The following SLC24A2 variants were observed in gnomAD, a reference collection of about 807,000 sequenced individuals.
The protein encoded by SLC24A2 is solute carrier family 24 member 2.
SLC24A2 carries 36 observed loss-of-function variants against 62.0 expected under a neutral mutation model. That is an observed-to-expected ratio of 0.58 (90% CI 0.44 to 0.77). The LOEUF (loss-of-function observed/expected upper bound fraction) is 0.77. SLC24A2 is among the 30% of genes least tolerant of loss of function. The pLI, the probability that SLC24A2 is intolerant of heterozygous loss-of-function variation, is 0.00. For synonymous variants in SLC24A2, 358 were observed against 294.0 expected (o/e 1.22, Z -2.23); for missense variants, 846 against 817.9 (o/e 1.03, Z -0.42).
chr9:19,893,975 A>G, the SLC24A2 span, among the ~76,000 whole-genome samples: 1 of 152,212 alleles, frequency 6.6e-6, no homozygotes, highest in African/African-American at 2.4e-5. Flanking sequence ...CACTTCTTGG[A>G]AGTGACAAAC....
the SLC24A2 span, among the ~76,000 whole-genome samples, chr9:20,161,333 T>C: frequency 6.6e-6 from 1 of 151,410 alleles, no homozygotes; most frequent in African/African-American, 2.4e-5. Flanking sequence ...CAAAGCTACA[T>C]AAATTGTTTT....
At chr9:19,530,598 C>G (rs762304768) in intron 8 of SLC24A2, among the ~76,000 whole-genome samples, 13 of 152,086 alleles carry the variant, frequency 8.5e-5, no homozygotes, top group Non-Finnish European at 1.2e-4. Flanking sequence ...CAGAAAATTC[C>G]TAGCCAAAAG....
chr9:19,550,254 C>T lies in SLC24A2; in HGVS notation c.1362G>A (p.Glu454=). The T allele has an allele frequency of 6.2e-7, 1 of 1,614,082 alleles. No homozygotes were observed. The highest frequency in any genetic ancestry group is 2.2e-5 in the East Asian group (1 of 44,874). Residue 454 remains glutamate (E), a synonymous_variant, in exon 8 of 11, where the codon GAG becomes GAA. Transcript: ENST00000341998. ...EGAEAQTADE[E]EDQPLSLAWP... ...AGGCAAGGCTGAGAGGCTGGTCCTC[C>T]TCCTCATCAGCGGTCTGTGGTAGAA...
rs1208641342 is a variant in SLC24A2 at position 19,541,823 on chromosome 9, T to G, written c.1479+8314A>C. ...CCCCAGCCTCGTTGCCGCCTTGCAGTTTGATCTCAGACTGCTGTGCTAGCA... is the reference window on the plus strand; with the variant it reads ...CCCCAGCCTCGTTGCCGCCTTGCAGGTTGATCTCAGACTGCTGTGCTAGCA... On this transcript the variant is annotated intron_variant, in intron 8 of 10. Coordinates refer to ENST00000341998, the MANE Select transcript of SLC24A2 (RefSeq NM_020344.4). 1.3e-4 allele frequency among the ~76,000 whole-genome samples: 20 copies of G among 150,138 alleles called. No homozygotes were observed. In the East Asian group the frequency reaches 1.8e-3, roughly 13 times the overall value.
At chr9:20,131,613 A>T in the SLC24A2 span, among the ~76,000 whole-genome samples, 1 of 152,142 alleles carries the variant, frequency 6.6e-6, no homozygotes, top group Non-Finnish European at 1.5e-5. Context: ...GAGCCATAGG[A>T]GGCTTTTGAT....
At chr9:19,847,209 T>C in the SLC24A2 span, among the ~76,000 whole-genome samples, 41 of 152,216 alleles carry the variant, frequency 2.7e-4, no homozygotes, top group African/African-American at 8.4e-4. Flanking sequence ...ACAAAGAGTA[T>C]AAATTTCTGC....
intron 8 of SLC24A2, among the ~76,000 whole-genome samples, chr9:19,532,586 C>A (rs1032560059): frequency 6.6e-6 from 1 of 152,156 alleles, no homozygotes; most frequent in African/African-American, 2.4e-5. Context: ...ACTGTATTCT[C>A]ATTTTAGTTT....
the SLC24A2 span, among the ~76,000 whole-genome samples, chr9:20,072,640 G>C: frequency 6.6e-6 from 1 of 151,976 alleles, no homozygotes; most frequent in Admixed American, 6.6e-5. Flanking sequence ...AGATTATCTA[G>C]TTGGCATGAT....
the SLC24A2 span, among the ~76,000 whole-genome samples, chr9:19,875,628 A>T: frequency 6.6e-6 from 1 of 152,182 alleles, no homozygotes; most frequent in African/African-American, 2.4e-5. Context: ...TGAGATTTCA[A>T]AATAGGGCTC....
the SLC24A2 span, among the ~76,000 whole-genome samples, chr9:20,297,573 G>C: frequency 6.6e-6 from 1 of 152,220 alleles, no homozygotes; most frequent in Non-Finnish European, 1.5e-5. Flanking sequence ...CTCAGGGACA[G>C]TGACAAGTCT....
chr9:19,604,052 C>T (rs1159026702), intron 4 of SLC24A2, among the ~76,000 whole-genome samples: 1 of 152,216 alleles, frequency 6.6e-6, no homozygotes, highest in African/African-American at 2.4e-5. Context: ...TTGTTAATTT[C>T]AGCACCCAGC....
chr9:19,560,404 G>A (rs570493956), intron 7 of SLC24A2, among the ~76,000 whole-genome samples: 1 of 151,246 alleles, frequency 6.6e-6, no homozygotes, highest in Admixed American at 6.7e-5. Context: ...GAGGTAATAA[G>A]GGTGGGGCCC....
At chr9:20,011,060 C>T in the SLC24A2 span, among the ~76,000 whole-genome samples, 1 of 152,054 alleles carries the variant, frequency 6.6e-6, no homozygotes, top group Non-Finnish European at 1.5e-5. Context: ...AATAGTGCCA[C>T]AATAAACATA....
chr9:19,638,523 A>G (rs1818414910), intron 2 of SLC24A2, among the ~76,000 whole-genome samples: 1 of 152,182 alleles, frequency 6.6e-6, no homozygotes, highest in Non-Finnish European at 1.5e-5. Context: ...TGGTAATGGA[A>G]CAGTTATTTC....
At chr9:19,604,445 T>C (rs983125784) in intron 4 of SLC24A2, among the ~76,000 whole-genome samples, 2 of 152,194 alleles carry the variant, frequency 1.3e-5, no homozygotes, top group Non-Finnish European at 2.9e-5. Context: ...AGAGAACAAC[T>C]TGGATATACT....
At chr9:19,908,282 AT>A in the SLC24A2 span, among the ~76,000 whole-genome samples, 1 of 220 alleles carries the variant, frequency 4.5e-3, no homozygotes, top group Non-Finnish European at 8.8e-3. Flanking sequence ...GGCTAGCCAT[AT>A]ATAGAAAGCT....
chr9:20,036,749 C>T, the SLC24A2 span, among the ~76,000 whole-genome samples: 2 of 151,998 alleles, frequency 1.3e-5, no homozygotes, highest in Admixed American at 6.6e-5. Context: ...TTATAGGATG[C>T]CGGAGGATAC....
intron 2 of SLC24A2, among the ~76,000 whole-genome samples, chr9:19,716,494 T>C (rs1053789435): frequency 6.6e-6 from 1 of 152,224 alleles, no homozygotes. Context: ...TAAATTTTGT[T>C]TGCAGTGACA....
the SLC24A2 span, among the ~76,000 whole-genome samples, chr9:19,796,210 A>C: frequency 6.6e-6 from 1 of 151,428 alleles, no homozygotes; most frequent in Non-Finnish European, 1.5e-5. Context: ...AACATGGCAC[A>C]TGTATACATA....
Sources: allele counts gnomAD v4.1 joint callset (sites outside exome capture counted in the v4.1 genomes callset), GRCh38; gene constraint gnomAD v4.1.1; transcripts MANE v1.5; gene names NCBI Gene and HGNC (gene_info 2026-07-23, HGNC 2026-07-21).